The following PRRC2C variants were observed in gnomAD, a reference collection of about 807,000 sequenced individuals.
PRRC2C encodes the protein proline rich coiled-coil 2C.
In PRRC2C, 72 loss-of-function variants were observed where a neutral mutation model predicts 317.2. The observed-to-expected ratio is 0.23, with a 90% CI of 0.19 to 0.28. The LOEUF (loss-of-function observed/expected upper bound fraction) is 0.28. PRRC2C is among the 10% of genes least tolerant of loss of function. The pLI, the probability that PRRC2C is intolerant of heterozygous loss-of-function variation, is 1.00. For missense variants in PRRC2C, 3,074 were observed against 3,459.7 expected (o/e 0.89, Z 2.80); for synonymous variants, 1,296 against 1,205.9 (o/e 1.07, Z -1.55).
Position 171,559,772 on chromosome 1 carries a change from C to T in PRRC2C, c.6032-1246C>T, listed in dbSNP as rs180739845. Among the ~76,000 whole-genome samples the T allele has an allele frequency of 2.6e-3, 398 of 152,166 alleles. 2 individuals are homozygous for T. Among genetic ancestry groups the T allele is most frequent in the African/African-American group, 8.6e-3 (356 of 41,516 alleles). On this transcript the variant is annotated intron_variant, in intron 19 of 34. Transcript: ENST00000647382. ...CTGACTTCAGGTGATCCACCCACCT[C>T]GGCCTCCCAAAGTGCTGGGATTACA...
chr1:171,536,774 T>C (rs889508711), intron 14 of PRRC2C, among the ~76,000 whole-genome samples: 13 of 152,234 alleles, frequency 8.5e-5, no homozygotes, highest in Non-Finnish European at 1.5e-4. Context: ...TTAGGGATGA[T>C]AAGCTGATCA....
chr1:171,498,745 A>G (rs1259424720), intron 1 of PRRC2C, among the ~76,000 whole-genome samples: 1 of 152,198 alleles, frequency 6.6e-6, no homozygotes, highest in East Asian at 1.9e-4. Flanking sequence ...GACATTGAAG[A>G]GAATCGTAAC....
intron 6 of PRRC2C, among the ~76,000 whole-genome samples, chr1:171,521,609 C>CT (rs1214626867): frequency 2.0e-5 from 3 of 152,172 alleles, no homozygotes; most frequent in Admixed American, 6.5e-5. Flanking sequence ...AGTTCTTCCC[C>CT]ACGCCTGCCA....
At chr1:171,520,797 C>CTTTTTTTTTT (rs61220175) in intron 6 of PRRC2C, among the ~76,000 whole-genome samples, 1 of 109,326 alleles carries the variant, frequency 9.1e-6, no homozygotes, top group Non-Finnish European at 1.8e-5. Context: ...ATTTCTTCTC[C>CTTTTTTTTTT]TTTTTTTTTT....
At chr1:171,575,171 T>C (rs1685483625) in intron 25 of PRRC2C, 43 bp downstream of exon 25, 1 of 1,483,656 alleles carries the variant, frequency 6.7e-7, no homozygotes, top group African/African-American at 1.4e-5. Flanking sequence ...CTTACATTAT[T>C]TAAAATTTTT....
At position 171,541,112 on chromosome 1, in the gene PRRC2C, C is replaced by G. The variant is rs143915532; in HGVS notation, c.3646C>G (p.His1216Asp). ...AGGGCGTGGCAGGGGTGGTAGGGGA[C>G]ACACTCGAGATTATCCTCAGTATAG... ...YGGRGRGGRG[H>D]TRDYPQYRDN... Residue 1216 changes from histidine (H) to aspartate (D), a missense_variant, in exon 16 of 35, where the codon CAC becomes GAC. By Grantham distance (81) the His-to-Asp change is moderately conservative. This residue lies in a region of PRRC2C where 1,320 missense variants were observed against 1,395.7 expected (regional missense o/e 0.95). Transcript: ENST00000647382. The surrounding 1 kb of genome is among the most constrained non-coding windows in gnomAD (Gnocchi z 4.1). 7 of 1,613,654 alleles carry G rather than the reference C, an allele frequency of 4.3e-6. No homozygotes were observed. The highest frequency in any genetic ancestry group is 5.1e-6 in the Non-Finnish European group (6 of 1,179,870).
At chr1:171,515,540 T>A (rs1332730335) in intron 4 of PRRC2C, among the ~76,000 whole-genome samples, 194 bp from the exon 5 acceptor site, 1 of 152,226 alleles carries the variant, frequency 6.6e-6, no homozygotes, top group Non-Finnish European at 1.5e-5. Flanking sequence ...TCTTAGACTT[T>A]CATCTCCTCA....
chr1:171,541,872 A>G lies in PRRC2C; in HGVS notation c.4406A>G (p.Glu1469Gly). 1.2e-6 allele frequency: 2 copies of G among 1,613,880 alleles called. No homozygotes were observed. Among genetic ancestry groups the G allele is most frequent in the Non-Finnish European group, 1.7e-6 (2 of 1,179,872 alleles). ...TNGTVNNVAQ[E>G]PVNTLGDISG... ...GGCACAGTTAATAATGTGGCTCAAG[A>G]ACCAGTTAATACTCTTGGGGATATT... is the stretch of plus-strand genomic sequence containing the variant. The change falls in exon 16 of 35, where the codon GAA (glutamate) becomes GGA (glycine). Residue 1469 changes from glutamate to glycine, a missense_variant. Transcript: ENST00000647382. The surrounding 1 kb of genome is among the most constrained non-coding windows in gnomAD (Gnocchi z 4.1).
chr1:171,494,446 CT>C (rs1183818430), intron 1 of PRRC2C, among the ~76,000 whole-genome samples: 1 of 152,108 alleles, frequency 6.6e-6, no homozygotes. Context: ...CTTAGCTTTA[CT>C]ATTATAGTGG....
At chr1:171,496,772 G>GGTGT (rs1381467402) in intron 1 of PRRC2C, among the ~76,000 whole-genome samples, 4 of 90,640 alleles carry the variant, frequency 4.4e-5, no homozygotes, top group South Asian at 7.7e-4. Flanking sequence ...ATACATTTGG[G>GGTGT]GCGTGTGTGT....
Position 171,515,760 on chromosome 1 carries a change from C to G in PRRC2C, c.427C>G (p.Gln143Glu). 6.2e-7 allele frequency: 1 copy of G among 1,606,436 alleles called. No homozygotes were observed. Among genetic ancestry groups the G allele is most frequent in the Admixed American group, 1.7e-5 (1 of 58,714 alleles). Residue 143 changes from glutamine to glutamate, a missense_variant, in exon 5 of 35, where the codon CAA (glutamine) becomes GAA (glutamate). Coordinates refer to ENST00000647382, the MANE Select transcript of PRRC2C (RefSeq NM_001387844.1). ...AATCCAAGTGAATAGTCAGTTTCAG[C>G]AAGAATTTCCCAGCCTGCAGGCAGC... ...DGIQVNSQFQ[Q>E]EFPSLQAAGD... is the part of the protein sequence containing the mutation.
chr1:171,500,986 C>T (rs1352240301), intron 1 of PRRC2C, among the ~76,000 whole-genome samples: 1 of 152,204 alleles, frequency 6.6e-6, no homozygotes, highest in Non-Finnish European at 1.5e-5. Flanking sequence ...GCAGCCTCGA[C>T]TTCCTGTGCT....
At chr1:171,564,338 C>A (rs986937777) in intron 20 of PRRC2C, among the ~76,000 whole-genome samples, 2 of 152,100 alleles carry the variant, frequency 1.3e-5, no homozygotes, top group Non-Finnish European at 2.9e-5. Context: ...AAGGATATAA[C>A]ATTCTCTAAC....
At chr1:171,578,220 G>A (rs1647627696) in intron 26 of PRRC2C, among the ~76,000 whole-genome samples, 1 of 152,004 alleles carries the variant, frequency 6.6e-6, no homozygotes, top group Admixed American at 6.6e-5. Flanking sequence ...TTAAGTAAGG[G>A]TATTCATTGC....
intron 16 of PRRC2C, among the ~76,000 whole-genome samples, chr1:171,545,054 C>T (rs1054378443): frequency 2.6e-5 from 4 of 152,056 alleles, no homozygotes; most frequent in Non-Finnish European, 4.4e-5. Context: ...TTTAAATGTA[C>T]ATAGTTGTAA....
intron 1 of PRRC2C, among the ~76,000 whole-genome samples, chr1:171,494,446 C>G (rs1461293987): frequency 6.6e-6 from 1 of 152,108 alleles, no homozygotes; most frequent in Non-Finnish European, 1.5e-5. Context: ...CTTAGCTTTA[C>G]TATTATAGTG....
At position 171,532,979 on chromosome 1, in the gene PRRC2C, A is replaced by T. The variant is rs375112238; in HGVS notation, c.1873+18A>T. On this transcript the variant is annotated intron_variant, in intron 12 of 34. Coordinates refer to ENST00000647382, the MANE Select transcript of PRRC2C (RefSeq NM_001387844.1). ...TAATAAAGGTTTGATAGTATTCTTC[A>T]TTCTCTTTTAAAAACTTTACAAAGA... 53 of 1,514,620 alleles carry T rather than the reference A, an allele frequency of 3.5e-5. No individual in the cohort carries two copies. In the African/African-American group the frequency reaches 5.9e-4, roughly 17 times the overall value. The allele number at this position is 1,514,620 out of a possible 1,614,324, so 93.8% of individuals were successfully genotyped here. A position where few individuals can be genotyped will look rare whatever the true frequency, so the allele number is the denominator to read the frequency against.
At chr1:171,506,897 T>G (rs146408409) in intron 1 of PRRC2C, among the ~76,000 whole-genome samples, 1 of 152,126 alleles carries the variant, frequency 6.6e-6, no homozygotes, top group Non-Finnish European at 1.5e-5. Flanking sequence ...GTTGAACATA[T>G]AGAATACAGT....
At position 171,512,115 on chromosome 1, in the gene PRRC2C, A is replaced by C; in HGVS notation, c.27A>C (p.Thr9=). Residue 9 remains threonine, a synonymous_variant, in exon 2 of 35, where the codon ACA becomes ACC. Transcript: ENST00000647382. ...TGTCGGAGAAGTCAGGCCAGAGCAC[A>C]AAAGCAAAGGATGGGAAAAAGTATG... MSEKSGQS[T]KAKDGKKYAT... 3 of 1,576,224 alleles carry C rather than the reference A, an allele frequency of 1.9e-6. No homozygotes were observed. In the South Asian group the frequency reaches 3.5e-5, roughly 18 times the overall value.
Sources: allele counts gnomAD v4.1 joint callset (sites outside exome capture counted in the v4.1 genomes callset), GRCh38; gene constraint gnomAD v4.1.1; regional missense constraint gnomAD v4.1.1; non-coding constraint Gnocchi (gnomAD v3.1); transcripts MANE v1.5; gene names NCBI Gene and HGNC (gene_info 2026-07-23, HGNC 2026-07-21).